The following LRP2 variants were observed in gnomAD, a reference collection of about 807,000 sequenced individuals.
The protein encoded by LRP2 is low-density lipoprotein receptor-related protein 2.
A neutral mutation model predicts 531.0 loss-of-function variants in LRP2; 172 were observed. That is an observed-to-expected ratio of 0.32 (90% confidence interval 0.29 to 0.37). The LOEUF (loss-of-function observed/expected upper bound fraction) is 0.37, where lower values mean the gene tolerates loss of function less well. Ranked by LOEUF, LRP2 falls within the 10% of genes least tolerant of loss-of-function variation. LRP2 has a pLI of 1.00. For missense variants in LRP2, 5,167 were observed against 5,868.3 expected (o/e 0.88, Z 3.90); for synonymous variants, 1,992 against 2,027.6 (o/e 0.98, Z 0.47).
At chr2:169,336,413 A>C (rs988542329) in intron 1 of LRP2, among the ~76,000 whole-genome samples, 28 of 151,994 alleles carry the variant, frequency 1.8e-4, no homozygotes, top group African/African-American at 6.5e-4. Flanking sequence ...GGTGGCATGC[A>C]CCTGTAATCC....
rs923822400 is a variant in LRP2, at chr2:169,156,310, T to C, written c.12115A>G (p.Met4039Val). Residue 4039 changes from methionine (M) to valine (V), a missense_variant, in exon 65 of 79, where the codon ATG becomes GTG. Met to Val is a conservative substitution (Grantham distance 21). Coordinates refer to ENST00000649046, the MANE Select transcript of LRP2 (RefSeq NM_004525.3). Reference protein sequence around the residue: ...ECVCADGFTSMSDRPGKRCAA... With the variant: ...ECVCADGFTSVSDRPGKRCAA... ...CATCGTTTTCCAGGGCGGTCACTCA[T>C]AGACGTGAAGCCATCAGCACAGACA... The C allele has an allele frequency of 6.2e-7, 1 of 1,613,636 alleles. No homozygotes were observed. The highest frequency in any genetic ancestry group is 2.2e-5 in the East Asian group (1 of 44,890).
At chr2:169,140,628 G>C in intron 71 of LRP2, 83 bp from the exon 72 acceptor site, 1 of 1,011,136 alleles carries the variant, frequency 9.9e-7, no homozygotes, top group Non-Finnish European at 1.6e-6. Flanking sequence ...CCAGGTTAGG[G>C]GTGGGAGGAG....
intron 34 of LRP2, among the ~76,000 whole-genome samples, chr2:169,217,998 T>C (rs1479375533): frequency 6.6e-6 from 1 of 152,176 alleles, no homozygotes; most frequent in Non-Finnish European, 1.5e-5. Context: ...CTATCTCTAT[T>C]CAACATCCTC....
intron 3 of LRP2, among the ~76,000 whole-genome samples, chr2:169,308,205 CT>C (rs11285321): frequency 0.015 from 2,326 of 151,840 alleles, 56 homozygotes; most frequent in African/African-American, 0.053. Context: ...TACAAAACTT[CT>C]TTTTTTTATA....
intron 54 of LRP2, among the ~76,000 whole-genome samples, chr2:169,175,610 T>C (rs1244469476): frequency 6.6e-6 from 1 of 151,234 alleles, no homozygotes; most frequent in Non-Finnish European, 1.5e-5. Context: ...AAACTGAAAA[T>C]GTGCTCTTAA....
intron 1 of LRP2, among the ~76,000 whole-genome samples, chr2:169,357,940 T>C: frequency 6.6e-6 from 1 of 152,150 alleles, no homozygotes; most frequent in Non-Finnish European, 1.5e-5. Context: ...TGCGCTTTGA[T>C]GGCTCAAGAA....
Position 169,166,169 on chromosome 2 carries a change from C to T in LRP2, c.11636-115G>A. Reference sequence around the variant, plus strand: ...TGCTTCATTCATGCACTCATTTACTCATTTGATTAATCAATCAGCAGATAC... The same window carrying T: ...TGCTTCATTCATGCACTCATTTACTTATTTGATTAATCAATCAGCAGATAC... On this transcript the variant is annotated intron_variant, in intron 61 of 78. Transcript: ENST00000649046. The T allele has an allele frequency of 3.8e-6, 4 of 1,044,192 alleles. No individual in the cohort carries two copies. The South Asian group carries it at 5.3e-5, about 14-fold the overall frequency. 64.7% of individuals were successfully genotyped at this position (1,044,192 alleles called of 1,614,324 possible).
At chr2:169,174,809 C>CTTTTTT (rs36105004) in intron 55 of LRP2, among the ~76,000 whole-genome samples, 4 of 128,536 alleles carry the variant, frequency 3.1e-5, no homozygotes, top group African/African-American at 5.8e-5. Flanking sequence ...TGTGCTCAGT[C>CTTTTTT]TTTTTTTTTT....
At chr2:169,326,566 C>A (rs1685066059) in intron 1 of LRP2, among the ~76,000 whole-genome samples, 1 of 152,064 alleles carries the variant, frequency 6.6e-6, no homozygotes, top group African/African-American at 2.4e-5. Context: ...CAGCTCGCTA[C>A]AACCTCCATC....
In LRP2 at chr2:169,212,025, C is replaced by T. The variant is rs1574138547; in HGVS notation, c.6223G>A (p.Gly2075Ser). The T allele has an allele frequency of 5.0e-6, 8 of 1,613,972 alleles. No homozygotes were observed. Among genetic ancestry groups the T allele is most frequent in the Non-Finnish European group, 6.8e-6 (8 of 1,179,908 alleles). The change falls in exon 37 of 79, where the codon GGC (glycine) becomes AGC (serine). Residue 2075 changes from glycine to serine, a missense_variant. Around this residue, in one of 6 missense-constraint regions of LRP2, gnomAD observed 2,811 missense variants for 3,058.0 expected, o/e 0.92. Transcript: ENST00000649046. Reference sequence around the variant, plus strand: ...TGATCTGACAATTCCAAGCTAAAGCCTCTGATTGCAGACAGCATTGAAACA... The same window carrying T: ...TGATCTGACAATTCCAAGCTAAAGCTTCTGATTGCAGACAGCATTGAAACA... The part of the protein sequence containing the change: ...IVVSMLSAIR[G>S]FSLELSDHSE...
At chr2:169,271,130 C>T in intron 15 of LRP2, 23 bp from the exon 16 acceptor site, 4 of 1,534,300 alleles carry the variant, frequency 2.6e-6, no homozygotes, top group Middle Eastern at 1.7e-4. Flanking sequence ...TAACACAGCA[C>T]AGTCAGTCAC....
At position 169,239,645 on chromosome 2, in the gene LRP2, A is replaced by G. The variant is rs758694655; in HGVS notation, c.4176T>C (p.Asp1392=). Residue 1392 remains aspartate, a synonymous_variant, in exon 26 of 79, where the codon GAT becomes GAC. Transcript: ENST00000649046. ...ANDSKTCEDI[D]ECDILGSCSQ... is the part of the protein sequence containing the mutation. Reference sequence around the variant, plus strand: ...TACAAGAGCCTAGAATATCACATTCATCTATGTCTTCACAGGTCTTAGAAT... The same window carrying G: ...TACAAGAGCCTAGAATATCACATTCGTCTATGTCTTCACAGGTCTTAGAAT... 4.3e-6 allele frequency: 7 copies of G among 1,614,144 alleles called. 1 individual carries two copies. In the Admixed American group the frequency reaches 5.0e-5, roughly 12 times the overall value.
chr2:169,220,643 CA>C, intron 33 of LRP2, 80 bp from the exon 34 acceptor site: 1 of 919,134 alleles, frequency 1.1e-6, no homozygotes, highest in African/African-American at 1.6e-5. Context: ...AACTTATGTA[CA>C]AAACAAATTC....
At chr2:169,256,393 TC>T (rs1254202490) in intron 18 of LRP2, among the ~76,000 whole-genome samples, 157 bp from the exon 19 acceptor site, 1 of 152,070 alleles carries the variant, frequency 6.6e-6, no homozygotes, top group East Asian at 1.9e-4. Flanking sequence ...CAGTTTTATG[TC>T]CCCCAGAAAG....
Position 169,225,635 on chromosome 2 carries a change from A to G in LRP2, c.5395-182T>C, listed in dbSNP as rs140482743. Reference sequence around the variant, plus strand: ...TTCAAACGATTTTTCAGTGTGTCACAGGAATACACAAGGCTTACCATTCAG... The same window carrying G: ...TTCAAACGATTTTTCAGTGTGTCACGGGAATACACAAGGCTTACCATTCAG... On this transcript the variant is annotated intron_variant, in intron 32 of 78. Coordinates refer to ENST00000649046, the MANE Select transcript of LRP2 (RefSeq NM_004525.3). Among the ~76,000 whole-genome samples, 1,074 of 152,368 alleles carry G rather than the reference A, an allele frequency of 7.0e-3. 7 individuals carry two copies. The highest frequency in any genetic ancestry group is 0.041 in the Middle Eastern group (12 of 294).
At chr2:169,300,327 G>A (rs1002358207) in intron 4 of LRP2, among the ~76,000 whole-genome samples, 4 of 152,038 alleles carry the variant, frequency 2.6e-5, no homozygotes, top group Non-Finnish European at 5.9e-5. Context: ...TCTGAGAAGT[G>A]ATATTTGAAC....
intron 1 of LRP2, among the ~76,000 whole-genome samples, chr2:169,323,708 A>T (rs1478099134): frequency 1.3e-5 from 2 of 152,110 alleles, no homozygotes; most frequent in South Asian, 2.1e-4. Context: ...ACATAGAACC[A>T]GCTTTAAAAC....
At chr2:169,222,076 C>T (rs1689038399) in intron 33 of LRP2, among the ~76,000 whole-genome samples, 1 of 152,172 alleles carries the variant, frequency 6.6e-6, no homozygotes, top group Non-Finnish European at 1.5e-5. Context: ...GAATATTATA[C>T]AGGTAAACAG....
chr2:169,188,229 G>C lies in LRP2; in HGVS notation c.9069C>G (p.Asp3023Glu), dbSNP rs148612649. The C allele has an allele frequency of 7.4e-6, 12 of 1,613,912 alleles. No homozygotes were observed. Among genetic ancestry groups the C allele is most frequent in the Non-Finnish European group, 1.0e-5 (12 of 1,180,014 alleles). Residue 3023 changes from aspartate (D) to glutamate (E), a missense_variant, in exon 49 of 79, where the codon GAC (aspartate) becomes GAG (glutamate). This residue lies in a region of LRP2 where 1,129 missense variants were observed against 1,362.7 expected (regional missense o/e 0.83). Coordinates refer to ENST00000649046, the MANE Select transcript of LRP2 (RefSeq NM_004525.3). ...AAGTCTGGTATAAGCAGCCCCTCTC[G>C]TCGCTATAGTCACCACAGTCATTGT... ...DRHNDCGDYS[D>E]ERGCLYQTCQ...
Sources: allele counts gnomAD v4.1 joint callset (sites outside exome capture counted in the v4.1 genomes callset), GRCh38; gene constraint gnomAD v4.1.1; regional missense constraint gnomAD v4.1.1; transcripts MANE v1.5; gene names NCBI Gene and HGNC (gene_info 2026-07-23, HGNC 2026-07-21).